Variants in STK32B observed in about 807,000 individuals in gnomAD.
STK32B encodes serine/threonine kinase 32B.
Under a neutral mutation model 52.6 loss-of-function variants are expected in STK32B, and 43 were observed. The observed-to-expected ratio is 0.82, with a 90% confidence interval of 0.64 to 1.05. The LOEUF (loss-of-function observed/expected upper bound fraction) is 1.05. Ranked by LOEUF, STK32B falls within the 50% of genes least tolerant of loss-of-function variation. The pLI is 0.00. For synonymous variants in STK32B, 238 were observed against 204.3 expected (o/e 1.17, Z -1.41); for missense variants, 621 against 534.6 (o/e 1.16, Z -1.59).
At chr4:5,204,077 G>C (rs1722367679) in intron 3 of STK32B, 1 of 152,240 alleles carries the variant, frequency 6.6e-6, no homozygotes, top group Non-Finnish European at 1.5e-5. Flanking sequence ...TTTCCCTGCT[G>C]GTCTTCAGGA....
At chr4:5,174,900 C>T (rs991820606) in intron 3 of STK32B, among the ~76,000 whole-genome samples, 10 of 152,196 alleles carry the variant, frequency 6.6e-5, no homozygotes, top group African/African-American at 2.2e-4. Flanking sequence ...AGAGTGTTTT[C>T]CAACTTGGTT....
intron 11 of STK32B, among the ~76,000 whole-genome samples, chr4:5,484,494 G>A (rs528741027): frequency 1.3e-5 from 2 of 152,246 alleles, no homozygotes; most frequent in South Asian, 2.1e-4. Context: ...CTGCACGTGA[G>A]ATGGGTTTCC....
intron 3 of STK32B, among the ~76,000 whole-genome samples, chr4:5,187,323 A>T (rs963244410): frequency 2.6e-5 from 4 of 152,178 alleles, no homozygotes; most frequent in African/African-American, 9.7e-5. Flanking sequence ...GGGAATTAGT[A>T]AATTTATCCC....
chr4:5,136,723 C>A (rs980570454), intron 1 of STK32B, among the ~76,000 whole-genome samples: 1 of 152,214 alleles, frequency 6.6e-6, no homozygotes, highest in Non-Finnish European at 1.5e-5. Flanking sequence ...ATTGGCTTGG[C>A]ATTTTCATTG....
chr4:5,369,418 C>G (rs1735083184), intron 4 of STK32B, among the ~76,000 whole-genome samples: 1 of 152,068 alleles, frequency 6.6e-6, no homozygotes, highest in Admixed American at 6.5e-5. Flanking sequence ...ATCTCATTTT[C>G]ATTCTTTCTT....
intron 2 of STK32B, among the ~76,000 whole-genome samples, chr4:5,150,756 G>A (rs929815238): frequency 2.0e-5 from 3 of 152,086 alleles, no homozygotes; most frequent in Non-Finnish European, 4.4e-5. Flanking sequence ...GATACTCTTG[G>A]ATTTCTCAGA....
chr4:5,466,831 G>T lies in STK32B; in HGVS notation c.1038G>T (p.Pro346=). 1.9e-6 allele frequency: 3 copies of T among 1,612,634 alleles called. No individual in the cohort carries two copies. Among genetic ancestry groups the T allele is most frequent in the Non-Finnish European group, 2.5e-6 (3 of 1,179,330 alleles). ...GGGATGGCACAAAGGACAGCTGCCCGCTGGTGAGTGCTTCGTGGGAGCCGT... is the reference window on the plus strand; with the variant it reads ...GGGATGGCACAAAGGACAGCTGCCCTCTGGTGAGTGCTTCGTGGGAGCCGT... ...RSRDGTKDSC[P]LNGHLQHCLE... is the part of the protein sequence containing the mutation. Residue 346 remains proline (P), a synonymous_variant, in exon 10 of 12, where the codon CCG becomes CCT. Coordinates refer to ENST00000282908, the MANE Select transcript of STK32B (RefSeq NM_018401.3).
intron 4 of STK32B, among the ~76,000 whole-genome samples, chr4:5,332,801 C>A (rs1732364492): frequency 6.6e-6 from 1 of 152,166 alleles, no homozygotes; most frequent in Non-Finnish European, 1.5e-5. Flanking sequence ...CCAATTTCAT[C>A]CGTGTCTCAA....
At chr4:5,145,918 C>T (rs993000919) in intron 2 of STK32B, among the ~76,000 whole-genome samples, 2 of 152,104 alleles carry the variant, frequency 1.3e-5, no homozygotes, top group Admixed American at 6.5e-5. Flanking sequence ...ACCTGGCTCA[C>T]CAAAACATAC....
chr4:5,292,266 G>GT (rs1381597782), intron 3 of STK32B, among the ~76,000 whole-genome samples: 1 of 152,060 alleles, frequency 6.6e-6, no homozygotes, highest in African/African-American at 2.4e-5. Flanking sequence ...CAACAACAAT[G>GT]TATGAATGCT....
chr4:5,140,058 A>G (rs1203202277), intron 2 of STK32B, 98 bp downstream of exon 2: 4 of 1,529,230 alleles, frequency 2.6e-6, no homozygotes, highest in Admixed American at 1.7e-5. Context: ...TCTGTTTGAC[A>G]GTAAGATTTC....
chr4:5,397,485 G>A (rs1437743527), intron 4 of STK32B, among the ~76,000 whole-genome samples: 4 of 152,196 alleles, frequency 2.6e-5, no homozygotes, highest in African/African-American at 7.2e-5. Flanking sequence ...GTGATGTAGA[G>A]AAGACCTTTC....
chr4:5,309,275 A>G (rs1254652670), intron 3 of STK32B, among the ~76,000 whole-genome samples: 1 of 152,180 alleles, frequency 6.6e-6, no homozygotes, highest in Non-Finnish European at 1.5e-5. Flanking sequence ...TCTCATGTTC[A>G]TGGATTAGAA....
chr4:5,183,770 T>A (rs1280841221), intron 3 of STK32B, among the ~76,000 whole-genome samples: 1 of 152,244 alleles, frequency 6.6e-6, no homozygotes, highest in African/African-American at 2.4e-5. Context: ...TCACACTTTC[T>A]GCTTCACTTT....
intron 9 of STK32B, among the ~76,000 whole-genome samples, chr4:5,465,257 A>G (rs769195072): frequency 3.3e-5 from 5 of 152,046 alleles, no homozygotes; most frequent in Non-Finnish European, 5.9e-5. Context: ...CTTTTCTTGC[A>G]TTTTCTCATG....
At chr4:5,172,160 T>A (rs1447413388) in intron 3 of STK32B, among the ~76,000 whole-genome samples, 1 of 152,164 alleles carries the variant, frequency 6.6e-6, no homozygotes. Flanking sequence ...ATTGATTTTG[T>A]ATCCTGAGAC....
In STK32B at chr4:5,499,539, T is replaced by TGACA. The variant is rs1156368199; in HGVS notation, c.*458_*461dup. 6.5e-6 allele frequency: 1 copy of TGACA among 154,762 alleles called. No homozygotes were observed. The highest frequency in any genetic ancestry group is 2.4e-5 in the African/African-American group (1 of 41,592). The allele number at this position is 154,762 out of a possible 1,614,324, so 9.6% of individuals were successfully genotyped here. On this transcript the variant is annotated 3_prime_UTR_variant, in exon 12 of 12. Coordinates refer to ENST00000282908, the MANE Select transcript of STK32B (RefSeq NM_018401.3). ...AGGGCACTTCCGAAAAACACAGCCC[T>TGACA]GACAGCAAAATAAAGGTCTGATATG...
chr4:5,416,929 A>G lies in STK32B; in HGVS notation c.557A>G (p.Tyr186Cys). 6.2e-7 allele frequency: 1 copy of G among 1,612,474 alleles called. No homozygotes were observed. Among genetic ancestry groups the G allele is most frequent in the Admixed American group, 1.7e-5 (1 of 59,842 alleles). Residue 186 changes from tyrosine (Y) to cysteine (C), a missense_variant, in exon 6 of 12, where the codon TAC becomes TGC. Coordinates refer to ENST00000282908, the MANE Select transcript of STK32B (RefSeq NM_018401.3). Reference sequence around the variant, plus strand: ...TCCTCCATGGCTGGCACCAAGCCCTACATGGGTGAGTGTTCCAGGCCCCTT... The same window carrying G: ...TCCTCCATGGCTGGCACCAAGCCCTGCATGGGTGAGTGTTCCAGGCCCCTT... Reference protein sequence around the residue: ...RASSMAGTKPYMAPEVFQVYM... With the variant: ...RASSMAGTKPCMAPEVFQVYM...
rs931331960 is a variant in STK32B, at chr4:5,493,890, T to C, written c.1107-5055T>C. Among the ~76,000 whole-genome samples, 3 of 152,400 alleles carry C rather than the reference T, an allele frequency of 2.0e-5. No individual in the cohort carries two copies. In the East Asian group the frequency reaches 5.8e-4, roughly 29 times the overall value. On this transcript the variant is annotated intron_variant, in intron 11 of 11. Coordinates refer to ENST00000282908, the MANE Select transcript of STK32B (RefSeq NM_018401.3). ...CAGTTTCCATGTAGTTGAGTGGTTTTGCGTTAGTTTCTTAATCCTGAGTTC... is the reference window on the plus strand; with the variant it reads ...CAGTTTCCATGTAGTTGAGTGGTTTCGCGTTAGTTTCTTAATCCTGAGTTC...
Sources: allele counts gnomAD v4.1 joint callset (sites outside exome capture counted in the v4.1 genomes callset), GRCh38; gene constraint gnomAD v4.1.1; transcripts MANE v1.5; gene names NCBI Gene and HGNC (gene_info 2026-07-23, HGNC 2026-07-21).